The following BRWD1 variants were observed in gnomAD, a reference collection of about 807,000 sequenced individuals.
BRWD1 encodes the protein bromodomain and WD repeat domain containing 1.
BRWD1 carries 82 observed loss-of-function variants against 251.2 expected under a neutral mutation model. The observed-to-expected ratio is 0.33, with a 90% CI of 0.27 to 0.39. The LOEUF is 0.39. Among genes scored for constraint, BRWD1 ranks in the 10% least tolerant of loss-of-function variants. The pLI is 1.00. For missense variants in BRWD1, 2,233 were observed against 2,711.6 expected, an observed-to-expected ratio of 0.82 and a Z score of 3.92; for synonymous variants, 918 against 902.8, an observed-to-expected ratio of 1.02 and a Z score of -0.30.
Position 39,187,161 on chromosome 21 carries a change from A to G in BRWD1, c.*9098T>C. On this transcript the variant is annotated 3_prime_UTR_variant, in exon 41 of 41. Coordinates refer to ENST00000342449, the MANE Select transcript of BRWD1 (RefSeq NM_033656.4). ...TATAAACATTCAGTAATTTTTTCTT[A>G]GCCGCAGCAGAAGCATTTCGATGGG... 1 of 1,613,658 alleles carries G rather than the reference A, an allele frequency of 6.2e-7. No individual in the cohort carries two copies. Among genetic ancestry groups the G allele is most frequent in the South Asian group, 1.1e-5 (1 of 90,900 alleles).
chr21:39,208,526 A>G (rs951091593), intron 36 of BRWD1, among the ~76,000 whole-genome samples: 1 of 152,194 alleles, frequency 6.6e-6, no homozygotes, highest in African/African-American at 2.4e-5. Flanking sequence ...TCAAACAAGT[A>G]TTTTACTTTA....
In BRWD1 at chr21:39,313,580, C is replaced by T. The variant is rs990489882; in HGVS notation, c.-89G>A. The T allele has an allele frequency of 2.8e-5, 32 of 1,126,310 alleles. 1 individual carries two copies. In the Admixed American group the frequency reaches 8.8e-4, roughly 31 times the overall value. 69.8% of individuals were successfully genotyped at this position (1,126,310 alleles called of 1,614,324 possible). A position where few individuals can be genotyped will look rare whatever the true frequency, so the allele number is the denominator to read the frequency against. On this transcript the variant is annotated 5_prime_UTR_variant, in exon 1 of 41. Transcript: ENST00000342449. ...CCTGACCGGGCTGGCGTCCCCTCTTCTCAGGCGCGCGCCGCCGCCGCCGCC... is the reference window on the plus strand; with the variant it reads ...CCTGACCGGGCTGGCGTCCCCTCTTTTCAGGCGCGCGCCGCCGCCGCCGCC...
At chr21:39,216,723 G>C (rs2032907230) in intron 31 of BRWD1, 2 of 421,790 alleles carry the variant, frequency 4.7e-6, no homozygotes, top group Non-Finnish European at 9.4e-6. Context: ...CTGTGTTAAA[G>C]ACTTCACAAC....
In BRWD1 at chr21:39,196,732, T is replaced by C. The variant is rs377245655; in HGVS notation, c.6337A>G (p.Lys2113Glu). 3.4e-5 allele frequency: 55 copies of C among 1,613,726 alleles called. No homozygotes were observed. In the East Asian group the frequency reaches 1.0e-3, roughly 30 times the overall value. The change falls in exon 41 of 41, where the codon AAA becomes GAA. Residue 2113 changes from lysine to glutamate, a missense_variant. By Grantham distance (56) the Lys-to-Glu change is moderately conservative. Around this residue, in one of 12 missense-constraint regions of BRWD1, gnomAD observed 928 missense variants for 970.0 expected, o/e 0.96. Transcript: ENST00000342449. ...TYGKAPFSKT[K>E]VIHDSQETAE... ...GTTTCCTGTGAATCATGAATCACTT[T>C]TGTCTTACTAAAAGGAGCCTTTCCA...
chr21:39,315,227 C>G (rs1335984356), upstream of BRWD1, among the ~76,000 whole-genome samples: 1 of 151,892 alleles, frequency 6.6e-6, no homozygotes, highest in African/African-American at 2.4e-5. Flanking sequence ...TGGTCTCGAA[C>G]TCCTGGCCTC....
At chr21:39,281,151 G>C (rs1177308425) in intron 8 of BRWD1, among the ~76,000 whole-genome samples, 1 of 152,176 alleles carries the variant, frequency 6.6e-6, no homozygotes, top group Non-Finnish European at 1.5e-5. Flanking sequence ...TGGGGTAAAT[G>C]AATAGAGAAT....
Position 39,313,354 on chromosome 21 carries a change from G to GA in BRWD1, c.50-56_50-55insT, listed in dbSNP as rs1555880655. 11 of 1,466,264 alleles carry GA rather than the reference G, an allele frequency of 7.5e-6. No individual in the cohort carries two copies. In the Admixed American group the frequency reaches 2.5e-4, roughly 33 times the overall value. 90.8% of individuals were successfully genotyped at this position (1,466,264 alleles called of 1,614,324 possible). A position where few individuals can be genotyped will look rare whatever the true frequency, so the allele number is the denominator to read the frequency against. On this transcript the variant is annotated intron_variant, in intron 1 of 40. Transcript: ENST00000342449. ...CCCGGCGGGGAGGGGAGGGGGACGGGGCCAGGGGAGCCGGGGGAGCCCGGG... is the reference window on the plus strand; with the variant it reads ...CCCGGCGGGGAGGGGAGGGGGACGGGAGCCAGGGGAGCCGGGGGAGCCCGGG...
At position 39,193,460 on chromosome 21, in the gene BRWD1, T is replaced by C. The variant is rs1276371732; in HGVS notation, c.*2799A>G. ...AAGCTTTGTTAACACTCATCTATCT[T>C]GTCAATGTTTGAAATCATTTTTCCT... On this transcript the variant is annotated 3_prime_UTR_variant, in exon 41 of 41. Transcript: ENST00000342449. 8 of 984,824 alleles carry C rather than the reference T, an allele frequency of 8.1e-6. No homozygotes were observed. Among genetic ancestry groups the C allele is most frequent in the Non-Finnish European group, 9.6e-6 (8 of 829,506 alleles). The allele number at this position is 984,824 out of a possible 1,614,324, so 61.0% of individuals were successfully genotyped here.
rs1198447688 is a variant in BRWD1, at chr21:39,195,644, GA to G, written c.*614del. 2 of 984,444 alleles carry G rather than the reference GA, an allele frequency of 2.0e-6. No individual in the cohort carries two copies. Among genetic ancestry groups the G allele is most frequent in the African/African-American group, 3.5e-5 (2 of 57,008 alleles). The allele number at this position is 984,444 out of a possible 1,614,324, so 61.0% of individuals were successfully genotyped here. ...AAAGTGACAACGTTTTCCTTAAGAA[GA>G]AAAAAACCCAACAGCACTTGGGAAG... On this transcript the variant is annotated 3_prime_UTR_variant, in exon 41 of 41. Transcript: ENST00000342449.
intron 37 of BRWD1, among the ~76,000 whole-genome samples, chr21:39,203,415 G>C (rs1233536836): frequency 6.7e-6 from 1 of 148,408 alleles, no homozygotes; most frequent in Non-Finnish European, 1.5e-5. Flanking sequence ...CTCCAGCCTG[G>C]GCAACAGAGC....
intron 4 of BRWD1, among the ~76,000 whole-genome samples, chr21:39,301,151 C>G (rs2036100431): frequency 1.3e-5 from 2 of 150,978 alleles, no homozygotes; most frequent in Non-Finnish European, 2.9e-5. Flanking sequence ...TGCACTCCAG[C>G]CTGGGTGACA....
upstream of BRWD1, among the ~76,000 whole-genome samples, chr21:39,317,629 A>G (rs1316654712): frequency 6.6e-6 from 1 of 152,262 alleles, no homozygotes; most frequent in African/African-American, 2.4e-5. Flanking sequence ...CCTGAAAATT[A>G]GGAGACTTAC....
At chr21:39,260,604 CA>C (rs1439002845) in intron 17 of BRWD1, among the ~76,000 whole-genome samples, 2 of 152,150 alleles carry the variant, frequency 1.3e-5, no homozygotes, top group African/African-American at 4.8e-5. Context: ...TAAACAACTA[CA>C]ATACTGGAAA....
At chr21:39,313,143 G>A in intron 2 of BRWD1, 42 bp from the exon 3 acceptor site, 1 of 1,494,732 alleles carries the variant, frequency 6.7e-7, no homozygotes, top group African/African-American at 1.5e-5. Context: ...GGTCGGGCCC[G>A]GGGCGCTCCC....
At chr21:39,288,770 T>C (rs1156781814) in intron 8 of BRWD1, among the ~76,000 whole-genome samples, 2 of 152,200 alleles carry the variant, frequency 1.3e-5, no homozygotes, top group Non-Finnish European at 2.9e-5. Flanking sequence ...ATATTTACTA[T>C]TAAGTAGAAG....
chr21:39,234,653 C>A (rs1254361208), intron 23 of BRWD1, among the ~76,000 whole-genome samples: 1 of 152,148 alleles, frequency 6.6e-6, no homozygotes, highest in Non-Finnish European at 1.5e-5. Flanking sequence ...TTAAATGGGG[C>A]AAAAGATTTC....
intron 4 of BRWD1, among the ~76,000 whole-genome samples, chr21:39,308,892 G>A (rs1210044295): frequency 6.6e-6 from 1 of 152,126 alleles, no homozygotes; most frequent in African/African-American, 2.4e-5. Context: ...AATCAGGGAA[G>A]GGGCAGGATG....
At chr21:39,209,954 A>G (rs2032583067) in intron 36 of BRWD1, 41 bp downstream of exon 36, 1 of 1,589,554 alleles carries the variant, frequency 6.3e-7, no homozygotes. Flanking sequence ...TTATCTACAC[A>G]GATCAGGCAG....
rs1367998443 is a variant in BRWD1, at chr21:39,279,640, A to AC, written c.932+507_932+508insG. Among the ~76,000 whole-genome samples the AC allele has an allele frequency of 1.1e-4, 12 of 109,384 alleles. No individual in the cohort carries two copies. The South Asian group carries it at 1.3e-3, about 12-fold the overall frequency. 71.8% of individuals were successfully genotyped at this position (109,384 alleles called of 152,430 possible). A position where few individuals can be genotyped will look rare whatever the true frequency, so the allele number is the denominator to read the frequency against. ...GGCAACAGAGTGAGACTCCATCTCA[A>AC]AAAAAAAAAAAAAAAAGAAAAAAAA... On this transcript the variant is annotated intron_variant, in intron 9 of 40. Coordinates refer to ENST00000342449, the MANE Select transcript of BRWD1 (RefSeq NM_033656.4).
Sources: gnomAD v4.1 joint callset for allele counts (sites outside exome capture counted in the v4.1 genomes callset) on GRCh38, gnomAD v4.1.1 for gene constraint, gnomAD v4.1.1 regional missense constraint, MANE v1.5 for transcripts, NCBI Gene and HGNC (gene_info 2026-07-23, HGNC 2026-07-21) for gene names.